The following PALLD variants were observed in gnomAD, a reference collection of about 807,000 sequenced individuals.
PALLD encodes palladin, cytoskeletal associated protein.
In PALLD, 61 loss-of-function variants were observed where a neutral mutation model predicts 123.5. The ratio of observed to expected loss-of-function variants is 0.49; its 90% CI spans 0.40 to 0.61. The LOEUF (loss-of-function observed/expected upper bound fraction) is 0.61. Ranked by LOEUF, PALLD falls within the 20% of genes least tolerant of loss-of-function variation. The probability of loss-of-function intolerance (pLI) is 0.00; values close to 1 mark genes in which losing one functional copy is unlikely to be tolerated. For missense variants in PALLD, 1,273 were observed against 1,377.0 expected (o/e 0.92, Z 1.20); for synonymous variants, 465 against 496.4 (o/e 0.94, Z 0.84).
At chr4:168,863,765 T>C (rs1030848968) in intron 10 of PALLD, 2 of 152,208 alleles carry the variant, frequency 1.3e-5, no homozygotes, top group Non-Finnish European at 2.9e-5. Flanking sequence ...GATCAACAAA[T>C]GTCCACACCA....
chr4:168,586,721 G>A (rs1770857353), intron 2 of PALLD, among the ~76,000 whole-genome samples: 1 of 152,086 alleles, frequency 6.6e-6, no homozygotes, highest in Admixed American at 6.5e-5. Context: ...TGCTTTCCAG[G>A]GCACTCTGGA....
At chr4:168,768,598 A>C (rs1416331127) in intron 10 of PALLD, among the ~76,000 whole-genome samples, 1 of 152,248 alleles carries the variant, frequency 6.6e-6, no homozygotes, top group Non-Finnish European at 1.5e-5. Context: ...ACATAGACCC[A>C]ATTTATTTTT....
At chr4:168,858,644 C>T (rs77080064) in intron 10 of PALLD, among the ~76,000 whole-genome samples, 3 of 151,842 alleles carry the variant, frequency 2.0e-5, no homozygotes, top group East Asian at 1.9e-4. Context: ...TAGCTGGGCA[C>T]GGTGGCACAT....
intron 10 of PALLD, among the ~76,000 whole-genome samples, chr4:168,722,898 G>A (rs1786163199): frequency 6.6e-6 from 1 of 152,124 alleles, no homozygotes; most frequent in Non-Finnish European, 1.5e-5. Flanking sequence ...AGGCTTGAGG[G>A]GAAAAGAGAA....
At chr4:168,753,353 C>T (rs1195936734) in intron 10 of PALLD, among the ~76,000 whole-genome samples, 4 of 151,592 alleles carry the variant, frequency 2.6e-5, no homozygotes, top group Non-Finnish European at 5.9e-5. Flanking sequence ...TCCCCTGCTT[C>T]CTGACCCCCC....
intron 2 of PALLD, among the ~76,000 whole-genome samples, chr4:168,552,779 G>A (rs558638434): frequency 1.3e-5 from 2 of 152,092 alleles, no homozygotes; most frequent in Middle Eastern, 3.4e-3. Flanking sequence ...GGGCTCATGC[G>A]ATTGTCCTGC....
chr4:168,927,351 C>A lies in PALLD; in HGVS notation c.*1171C>A, dbSNP rs1429663107. ...CATAGGTGAAAAAAACACTGCCATT[C>A]ACAAGTCAAGGAACCCAGGGCCAGC... is the stretch of plus-strand genomic sequence containing the variant. On this transcript the variant is annotated 3_prime_UTR_variant, in exon 22 of 22. Transcript: ENST00000505667. The A allele has an allele frequency of 4.3e-6, 1 of 232,534 alleles. No homozygotes were observed. Among genetic ancestry groups the A allele is most frequent in the African/African-American group, 2.2e-5 (1 of 45,306 alleles). 14.4% of individuals were successfully genotyped at this position (232,534 alleles called of 1,614,324 possible).
chr4:168,541,288 G>A (rs533523798), intron 2 of PALLD, among the ~76,000 whole-genome samples: 29 of 152,204 alleles, frequency 1.9e-4, no homozygotes, highest in South Asian at 1.2e-3. Context: ...TTTCTCATAT[G>A]AGAAGTGTTC....
At chr4:168,594,498 T>C (rs978468489) in intron 2 of PALLD, among the ~76,000 whole-genome samples, 2 of 152,146 alleles carry the variant, frequency 1.3e-5, no homozygotes, top group African/African-American at 4.8e-5. Context: ...ACACAGAGAA[T>C]GAATGTCTTT....
intron 15 of PALLD, among the ~76,000 whole-genome samples, chr4:168,910,301 A>G (rs1158423740): frequency 1.3e-5 from 2 of 149,640 alleles, no homozygotes; most frequent in East Asian, 3.9e-4. Flanking sequence ...TGAATAGGGC[A>G]TATTTTTCCT....
chr4:168,607,419 C>T (rs1395270493), intron 2 of PALLD, among the ~76,000 whole-genome samples: 5 of 152,126 alleles, frequency 3.3e-5, no homozygotes, highest in African/African-American at 7.2e-5. Context: ...GTAATTTTGT[C>T]GACTCATGTA....
chr4:168,878,049 C>T lies in PALLD; in HGVS notation c.1965-12873C>T, dbSNP rs980570701. The stretch of plus-strand genomic sequence containing the variant: ...CCCAGCTCGTCCAGCCTCCCGTCGC[C>T]CATGTCCCCGACGCCGAGGCAGTTC... On this transcript the variant is annotated intron_variant, in intron 10 of 21. Transcript: ENST00000505667. 7 of 1,483,720 alleles carry T rather than the reference C, an allele frequency of 4.7e-6. No individual in the cohort carries two copies. The East Asian group carries it at 1.7e-4, about 37-fold the overall frequency. The allele number at this position is 1,483,720 out of a possible 1,614,324, so 91.9% of individuals were successfully genotyped here. A position where few individuals can be genotyped will look rare whatever the true frequency, so the allele number is the denominator to read the frequency against.
At chr4:168,806,388 T>C (rs904822696) in intron 10 of PALLD, among the ~76,000 whole-genome samples, 3 of 152,142 alleles carry the variant, frequency 2.0e-5, no homozygotes, top group Non-Finnish European at 4.4e-5. Flanking sequence ...TAAAAGTGTG[T>C]GGCACTTCCC....
chr4:168,507,738 C>T (rs2149414231), intron 1 of PALLD: 1 of 181,168 alleles, frequency 5.5e-6, no homozygotes, highest in Admixed American at 6.3e-5. Context: ...AACACTCTTC[C>T]TTGCCTACTG....
intron 2 of PALLD, among the ~76,000 whole-genome samples, chr4:168,575,762 G>A (rs990942280): frequency 3.9e-5 from 6 of 152,048 alleles, no homozygotes; most frequent in Non-Finnish European, 8.8e-5. Flanking sequence ...ATCTGAGCTG[G>A]GGCTTGAGAT....
chr4:168,532,262 C>T (rs1252256206), intron 2 of PALLD, among the ~76,000 whole-genome samples: 1 of 152,170 alleles, frequency 6.6e-6, no homozygotes, highest in African/African-American at 2.4e-5. Flanking sequence ...GATATGATCT[C>T]GTTCTCCAAA....
chr4:168,525,248 A>G (rs1763933854), intron 2 of PALLD, among the ~76,000 whole-genome samples: 1 of 152,202 alleles, frequency 6.6e-6, no homozygotes, highest in African/African-American at 2.4e-5. Context: ...GCAAAATACA[A>G]TTCTGCAAGA....
intron 9 of PALLD, 61 bp downstream of exon 9, chr4:168,709,208 CA>C (rs1475634528): frequency 6.3e-7 from 1 of 1,583,314 alleles, no homozygotes; most frequent in African/African-American, 1.3e-5. Flanking sequence ...TGGATGGCCA[CA>C]GCAGAAAGGC....
intron 10 of PALLD, among the ~76,000 whole-genome samples, chr4:168,725,088 G>C (rs6826845): frequency 0.02 from 3,107 of 152,270 alleles, 103 homozygotes; most frequent in African/African-American, 0.07. Context: ...GCATTTGAGA[G>C]ACTCCAGCTG....
Sources: gnomAD v4.1 joint callset for allele counts (sites outside exome capture counted in the v4.1 genomes callset) on GRCh38, gnomAD v4.1.1 for gene constraint, MANE v1.5 for transcripts, NCBI Gene and HGNC (gene_info 2026-07-23, HGNC 2026-07-21) for gene names.